The following BACH2 variants were observed in gnomAD, a reference collection of about 807,000 sequenced individuals.
BACH2 encodes the protein BACH transcriptional regulator 2, also known as transcription regulator protein BACH2.
Under a neutral mutation model 61.8 loss-of-function variants are expected in BACH2, and 5 were observed. The observed-to-expected ratio is 0.08, with a 90% CI of 0.04 to 0.17. BACH2 has a LOEUF of 0.17. BACH2 is among the 10% of genes least tolerant of loss of function. The probability of loss-of-function intolerance (pLI) is 1.00; values close to 1 mark genes in which losing one functional copy is unlikely to be tolerated. For missense variants in BACH2, 824 were observed against 1,091.1 expected (o/e 0.76, Z 3.45); for synonymous variants, 446 against 440.1 (o/e 1.01, Z -0.17).
At chr6:90,177,678 AGAG>A (rs1304725210) in intron 4 of BACH2, among the ~76,000 whole-genome samples, 1 of 152,132 alleles carries the variant, frequency 6.6e-6, no homozygotes, top group African/African-American at 2.4e-5. Context: ...GCAGAATGCT[AGAG>A]GAGGCATTAG....
intron 5 of BACH2, among the ~76,000 whole-genome samples, chr6:90,051,629 C>A (rs1780050957): frequency 1.3e-5 from 2 of 152,100 alleles, no homozygotes; most frequent in Admixed American, 6.5e-5. Flanking sequence ...CTGTTGATAC[C>A]CTACATAGTA....
chr6:90,022,931 A>C lies in BACH2; in HGVS notation c.-12-14075T>G, dbSNP rs149647292. On this transcript the variant is annotated intron_variant, in intron 5 of 8. Coordinates refer to ENST00000257749, the MANE Select transcript of BACH2 (RefSeq NM_021813.4). ...ACTCTGTATAAAGAGTGTTCACAGA[A>C]TTGTTCAGAATAACTCCCAACTGGA... is the stretch of plus-strand genomic sequence containing the variant. Among the ~76,000 whole-genome samples, 1,413 of 152,340 alleles carry C rather than the reference A, an allele frequency of 9.3e-3. 19 individuals are homozygous for C. Among genetic ancestry groups the C allele is most frequent in the East Asian group, 0.04 (208 of 5,174 alleles).
chr6:90,064,020 A>G (rs989434270), intron 5 of BACH2, among the ~76,000 whole-genome samples: 1 of 152,218 alleles, frequency 6.6e-6, no homozygotes, highest in Non-Finnish European at 1.5e-5. Flanking sequence ...TGCTATGCAA[A>G]TATCAGTTAT....
At position 90,166,255 on chromosome 6, in the gene BACH2, G is replaced by T. The variant is rs201860188; in HGVS notation, c.-162+40314C>A. 2.0e-3 allele frequency among the ~76,000 whole-genome samples: 307 copies of T among 152,208 alleles called. 3 individuals are homozygous for T. In the East Asian group the frequency reaches 0.022, roughly 11 times the overall value. ...AACAAGTGGGCAAAGGATATGAACA[G>T]ACACTTCTCAAAAGAAGACATTTAT... is the stretch of plus-strand genomic sequence containing the variant. On this transcript the variant is annotated intron_variant, in intron 4 of 8. Transcript: ENST00000257749.
chr6:89,963,727 A>G (rs1774884221), intron 6 of BACH2, among the ~76,000 whole-genome samples: 1 of 152,230 alleles, frequency 6.6e-6, no homozygotes, highest in South Asian at 2.1e-4. Context: ...AAAAGAATCC[A>G]AAGCAGGGTC....
chr6:90,029,009 C>A (rs1032810250), intron 5 of BACH2, among the ~76,000 whole-genome samples: 9 of 152,174 alleles, frequency 5.9e-5, no homozygotes, highest in Non-Finnish European at 1.3e-4. Flanking sequence ...CTTTTCCAAC[C>A]ATGCCAATTT....
intron 1 of BACH2, among the ~76,000 whole-genome samples, chr6:90,293,083 G>A (rs1220412065): frequency 6.6e-6 from 1 of 152,148 alleles, no homozygotes; most frequent in African/African-American, 2.4e-5. Flanking sequence ...AAGAATTTCC[G>A]AAGAAAACAG....
intron 4 of BACH2, among the ~76,000 whole-genome samples, chr6:90,137,846 C>T (rs1481066381): frequency 6.6e-6 from 1 of 152,166 alleles, no homozygotes; most frequent in Non-Finnish European, 1.5e-5. Flanking sequence ...GATTCGGCTG[C>T]TGTCTTGCAA....
At chr6:90,029,214 A>G (rs796684312) in intron 5 of BACH2, among the ~76,000 whole-genome samples, 19 of 152,194 alleles carry the variant, frequency 1.2e-4, no homozygotes, top group African/African-American at 4.6e-4. Flanking sequence ...TTTTAACCCC[A>G]TGACAGCTGA....
At chr6:90,189,753 C>G (rs554228280) in intron 4 of BACH2, among the ~76,000 whole-genome samples, 1 of 151,652 alleles carries the variant, frequency 6.6e-6, no homozygotes, top group African/African-American at 2.4e-5. Context: ...ATTCTTTCAT[C>G]TGTTTATCTG....
intron 8 of BACH2, among the ~76,000 whole-genome samples, chr6:89,936,222 G>A (rs1310847097): frequency 6.6e-6 from 1 of 152,208 alleles, no homozygotes; most frequent in African/African-American, 2.4e-5. Flanking sequence ...CACTAAGCCA[G>A]AGGTCAGATC....
chr6:90,173,350 T>C (rs565823219), intron 4 of BACH2, among the ~76,000 whole-genome samples: 1 of 152,160 alleles, frequency 6.6e-6, no homozygotes, highest in African/African-American at 2.4e-5. Flanking sequence ...CAGACTTGCA[T>C]GTGAATGTTC....
chr6:89,966,137 T>A (rs1775034397), intron 6 of BACH2, among the ~76,000 whole-genome samples: 1 of 152,212 alleles, frequency 6.6e-6, no homozygotes, highest in Non-Finnish European at 1.5e-5. Context: ...TCAGCATGGT[T>A]GATACAGCAG....
chr6:90,294,537 A>C (rs1772277179), intron 1 of BACH2, among the ~76,000 whole-genome samples: 1 of 152,230 alleles, frequency 6.6e-6, no homozygotes, highest in Admixed American at 6.5e-5. Flanking sequence ...TTTATAATGG[A>C]AATGCTGACA....
intron 4 of BACH2, among the ~76,000 whole-genome samples, chr6:90,094,456 T>C (rs1178583216): frequency 6.6e-6 from 1 of 152,198 alleles, no homozygotes; most frequent in Non-Finnish European, 1.5e-5. Flanking sequence ...ATGATCTGAT[T>C]TCCAGTGTTG....
At chr6:90,194,969 G>C (rs1768706397) in intron 4 of BACH2, among the ~76,000 whole-genome samples, 1 of 152,088 alleles carries the variant, frequency 6.6e-6, no homozygotes, top group South Asian at 2.1e-4. Flanking sequence ...CCTTTTTCTT[G>C]ATGAGAAGAA....
intron 4 of BACH2, among the ~76,000 whole-genome samples, chr6:90,137,074 T>C (rs1027389071): frequency 1.3e-5 from 2 of 152,072 alleles, no homozygotes; most frequent in Non-Finnish European, 2.9e-5. Context: ...AAAAAATGTC[T>C]GTTCCAGTGA....
chr6:90,071,960 A>G (rs1722358842), intron 5 of BACH2, among the ~76,000 whole-genome samples: 1 of 152,126 alleles, frequency 6.6e-6, no homozygotes, highest in Non-Finnish European at 1.5e-5. Context: ...AGGAGGAGGA[A>G]GAAGAGGGAT....
chr6:90,223,089 C>T (rs913696371), intron 3 of BACH2, among the ~76,000 whole-genome samples: 2 of 152,220 alleles, frequency 1.3e-5, no homozygotes, highest in Non-Finnish European at 2.9e-5. Context: ...AGTGTGCTCT[C>T]GCCATTGCTC....
Sources: allele counts gnomAD v4.1 joint callset (sites outside exome capture counted in the v4.1 genomes callset), GRCh38; gene constraint gnomAD v4.1.1; transcripts MANE v1.5; gene names NCBI Gene and HGNC (gene_info 2026-07-23, HGNC 2026-07-21).